The following ADHFE1 variants were observed in gnomAD, a reference collection of about 807,000 sequenced individuals.
ADHFE1 encodes the protein alcohol dehydrogenase iron containing 1, also known as hydroxyacid-oxoacid transhydrogenase, mitochondrial.
A neutral mutation model predicts 54.8 loss-of-function variants in ADHFE1; 37 were observed. The observed-to-expected ratio is 0.68, with a 90% CI of 0.52 to 0.89. The LOEUF is 0.89. Among genes scored for constraint, ADHFE1 ranks in the 40% least tolerant of loss-of-function variants. ADHFE1 has a pLI of 0.00. For synonymous variants in ADHFE1, 203 were observed against 229.3 expected (o/e 0.89, Z 1.04); for missense variants, 601 against 591.2 (o/e 1.02, Z -0.17).
At chr8:66,437,086 C>T (rs1475441047) in intron 1 of ADHFE1, among the ~76,000 whole-genome samples, 3 of 151,952 alleles carry the variant, frequency 2.0e-5, no homozygotes, top group Non-Finnish European at 2.9e-5. Flanking sequence ...GAAGATAAAT[C>T]GGAAGAATGG....
At chr8:66,457,479 CA>C (rs34484813) in intron 12 of ADHFE1, among the ~76,000 whole-genome samples, 394 of 130,128 alleles carry the variant, frequency 3.0e-3, no homozygotes, top group Non-Finnish European at 3.4e-3. Context: ...CTCTCTCTCT[CA>C]AAAAAAAAAA....
intron 13 of ADHFE1, among the ~76,000 whole-genome samples, chr8:66,462,944 C>T (rs1195257497): frequency 6.6e-6 from 1 of 152,200 alleles, no homozygotes; most frequent in Non-Finnish European, 1.5e-5. Flanking sequence ...GCCTCAGCCT[C>T]CCGAGTAGCT....
Position 66,452,141 on chromosome 8 carries a change from A to T in ADHFE1, c.887+36A>T, listed in dbSNP as rs1272786895. 3 of 1,607,764 alleles carry T rather than the reference A, an allele frequency of 1.9e-6. No individual in the cohort carries two copies. The East Asian group carries it at 6.7e-5, about 36-fold the overall frequency. ...CCGAAGGGGATAGAAATAGAACAGG[A>T]GGCCCACATTCTGCCAGCACGTGAA... On this transcript the variant is annotated intron_variant, in intron 9 of 13. Coordinates refer to ENST00000396623, the MANE Select transcript of ADHFE1 (RefSeq NM_144650.3).
intron 12 of ADHFE1, chr8:66,460,064 G>A (rs778211667): frequency 4.0e-6 from 2 of 494,028 alleles, no homozygotes; most frequent in Non-Finnish European, 7.3e-6. Flanking sequence ...TCTTGTCTTT[G>A]TTCCTCTTCT....
chr8:66,435,602 T>C (rs1805418686), intron 1 of ADHFE1, among the ~76,000 whole-genome samples: 1 of 33,884 alleles, frequency 3.0e-5, no homozygotes, highest in East Asian at 1.2e-3. Flanking sequence ...CATTTCAAGA[T>C]TTTTTTTTTT....
chr8:66,467,303 G>A (rs1807246887), intron 13 of ADHFE1, among the ~76,000 whole-genome samples: 1 of 152,174 alleles, frequency 6.6e-6, no homozygotes, highest in African/African-American at 2.4e-5. Flanking sequence ...GCTACTGGGT[G>A]TCATTTCTGA....
Position 66,460,447 on chromosome 8 carries a change from G to A in ADHFE1, c.1302G>A (p.Val434=), listed in dbSNP as rs142285983. The part of the protein sequence containing the change: ...GYSKADIPAL[V]KGTLPQERVT... Reference sequence around the variant, plus strand: ...CCAAAGCTGATATCCCCGCACTAGTGAAAGGAACGCTGCCCCAGGTAAGAG... The same window carrying A: ...CCAAAGCTGATATCCCCGCACTAGTAAAAGGAACGCTGCCCCAGGTAAGAG... The change falls in exon 13 of 14, where the codon GTG becomes GTA. Residue 434 remains valine (V), a synonymous_variant. Transcript: ENST00000396623. 18 of 1,590,372 alleles carry A rather than the reference G, an allele frequency of 1.1e-5. No homozygotes were observed. The highest frequency in any genetic ancestry group is 1.5e-5 in the Non-Finnish European group (18 of 1,162,810).
chr8:66,442,337 G>A (rs1805797163), intron 2 of ADHFE1, among the ~76,000 whole-genome samples: 1 of 148,308 alleles, frequency 6.7e-6, no homozygotes, highest in South Asian at 2.2e-4. Context: ...TTGAGACGGG[G>A]TCTCACTCTG....
intron 3 of ADHFE1, 140 bp from the exon 4 acceptor site, chr8:66,444,227 A>T (rs979544944): frequency 1.4e-6 from 1 of 701,480 alleles, no homozygotes; most frequent in South Asian, 1.9e-5. Flanking sequence ...AAGTGAGACC[A>T]GGTGGGAGAT....
intron 13 of ADHFE1, among the ~76,000 whole-genome samples, chr8:66,463,599 T>C (rs1563495997): frequency 2.0e-5 from 3 of 149,114 alleles, no homozygotes; most frequent in South Asian, 2.1e-4. Context: ...GAATAACTAC[T>C]ATGGAATTTT....
intron 13 of ADHFE1, among the ~76,000 whole-genome samples, chr8:66,462,946 C>T (rs546680363): frequency 4.3e-4 from 65 of 152,278 alleles, no homozygotes; most frequent in African/African-American, 1.4e-3. Context: ...CTCAGCCTCC[C>T]GAGTAGCTGG....
rs374104886 is a variant in ADHFE1 at position 66,452,118 on chromosome 8, G to C, written c.887+13G>C. On this transcript the variant is annotated intron_variant, in intron 9 of 13. Transcript: ENST00000396623. ...AGTATCTGAAGAGGTATGTCACCCC[G>C]AAGGGGATAGAAATAGAACAGGAGG... 5.0e-6 allele frequency: 8 copies of C among 1,612,942 alleles called. No individual in the cohort carries two copies. The East Asian group carries it at 1.8e-4, about 36-fold the overall frequency.
intron 1 of ADHFE1, among the ~76,000 whole-genome samples, chr8:66,435,351 C>A (rs543242618): frequency 6.6e-6 from 1 of 152,284 alleles, no homozygotes; most frequent in African/African-American, 2.4e-5. Flanking sequence ...CAGGGCCACA[C>A]TCCCTCTTGA....
chr8:66,457,015 T>C, intron 11 of ADHFE1, 55 bp from the exon 12 acceptor site: 1 of 1,575,036 alleles, frequency 6.3e-7, no homozygotes, highest in Non-Finnish European at 8.7e-7. Context: ...ATCTAGAATA[T>C]GCAGGGAAGA....
In ADHFE1 at chr8:66,454,109, C is replaced by T. The variant is rs1806449859; in HGVS notation, c.938C>T (p.Ala313Val). 1 of 1,614,154 alleles carries T rather than the reference C, an allele frequency of 6.2e-7. No homozygotes were observed. The highest frequency in any genetic ancestry group is 1.1e-5 in the South Asian group (1 of 91,080). ...DLEARSHMHL[A>V]SAFAGIGFGN... ...GAAGCAAGGTCTCATATGCACTTGG[C>T]AAGTGCTTTTGCTGGCATCGGCTTT... The change falls in exon 10 of 14, where the codon GCA becomes GTA. Residue 313 changes from alanine to valine, a missense_variant. Coordinates refer to ENST00000396623, the MANE Select transcript of ADHFE1 (RefSeq NM_144650.3).
At chr8:66,453,281 C>A (rs1196527659) in intron 9 of ADHFE1, among the ~76,000 whole-genome samples, 1 of 152,118 alleles carries the variant, frequency 6.6e-6, no homozygotes, top group Non-Finnish European at 1.5e-5. Context: ...CAGGAACACC[C>A]AACCATTCCA....
intron 1 of ADHFE1, among the ~76,000 whole-genome samples, chr8:66,434,668 C>T (rs946781602): frequency 6.6e-6 from 1 of 152,228 alleles, no homozygotes; most frequent in Non-Finnish European, 1.5e-5. Flanking sequence ...AGAGCATGCA[C>T]TCTGGGCTTC....
At chr8:66,454,775 G>A (rs1346343659) in intron 10 of ADHFE1, among the ~76,000 whole-genome samples, 4 of 151,134 alleles carry the variant, frequency 2.6e-5, no homozygotes, top group Non-Finnish European at 5.9e-5. Flanking sequence ...GTGCGATGGC[G>A]CAGTCTTGGC....
chr8:66,447,246 A>C lies in ADHFE1; in HGVS notation c.551-18A>C. On this transcript the variant is annotated intron_variant, in intron 6 of 13. Coordinates refer to ENST00000396623, the MANE Select transcript of ADHFE1 (RefSeq NM_144650.3). Reference sequence around the variant, plus strand: ...TTTATTTAGATGCTTTATTAAAATTAATATTATTTTGTTCAAGTGCCAACT... The same window carrying C: ...TTTATTTAGATGCTTTATTAAAATTCATATTATTTTGTTCAAGTGCCAACT... 6.2e-7 allele frequency: 1 copy of C among 1,605,316 alleles called. No homozygotes were observed. Among genetic ancestry groups the C allele is most frequent in the African/African-American group, 1.3e-5 (1 of 74,752 alleles).
Sources: allele counts gnomAD v4.1 joint callset (sites outside exome capture counted in the v4.1 genomes callset), GRCh38; gene constraint gnomAD v4.1.1; transcripts MANE v1.5; gene names NCBI Gene and HGNC (gene_info 2026-07-23, HGNC 2026-07-21).